The following CCDC146 variants were observed in gnomAD, a reference collection of about 807,000 sequenced individuals.
CCDC146 encodes coiled-coil domain-containing protein 146.
A neutral mutation model predicts 119.3 loss-of-function variants in CCDC146; 92 were observed. The observed-to-expected ratio is 0.77, with a 90% CI of 0.65 to 0.92. The LOEUF (loss-of-function observed/expected upper bound fraction) is 0.92. CCDC146 is among the 40% of genes least tolerant of loss of function. CCDC146 has a pLI of 0.00. For synonymous variants in CCDC146, 372 were observed against 371.8 expected, an observed-to-expected ratio of 1.00 and a Z score of -0.01; for missense variants, 1,000 against 1,103.0, an observed-to-expected ratio of 0.91 and a Z score of 1.32.
chr7:77,235,682 G>A (rs1233703572), intron 2 of CCDC146, among the ~76,000 whole-genome samples: 5 of 152,160 alleles, frequency 3.3e-5, no homozygotes. Flanking sequence ...CTGGCAGAAG[G>A]GCAGTTAGGA....
At chr7:77,141,638 G>A (rs527324085) in intron 1 of CCDC146, among the ~76,000 whole-genome samples, 3 of 152,248 alleles carry the variant, frequency 2.0e-5, no homozygotes, top group East Asian at 3.9e-4. Flanking sequence ...GCATCTCGTT[G>A]TGGTTTTGAT....
At chr7:77,244,024 C>G (rs1295029595) in intron 4 of CCDC146, among the ~76,000 whole-genome samples, 1 of 152,096 alleles carries the variant, frequency 6.6e-6, no homozygotes, top group Non-Finnish European at 1.5e-5. Context: ...ATTACAGATG[C>G]CCACCACCAT....
rs1165695887 is a variant in CCDC146 at position 77,241,992 on chromosome 7, G to A, written c.449+92G>A. The A allele has an allele frequency of 1.5e-5, 14 of 926,766 alleles. No homozygotes were observed. The East Asian group carries it at 2.0e-4, about 13-fold the overall frequency. 57.4% of individuals were successfully genotyped at this position (926,766 alleles called of 1,614,324 possible). ...AAGTTGGAGGTAATTGAAGGAGTAG[G>A]AGATAGCAGTACGATGATGATTGCA... On this transcript the variant is annotated intron_variant, in intron 4 of 18. Transcript: ENST00000285871.
chr7:77,174,207 T>C (rs1479266910), intron 2 of CCDC146, among the ~76,000 whole-genome samples: 1 of 152,348 alleles, frequency 6.6e-6, no homozygotes, highest in African/African-American at 2.4e-5. Context: ...TGCTCACTTT[T>C]ATAGTTGTGA....
At chr7:77,123,710 C>A (rs1790657488) in intron 1 of CCDC146, among the ~76,000 whole-genome samples, 1 of 152,128 alleles carries the variant, frequency 6.6e-6, no homozygotes, top group Non-Finnish European at 1.5e-5. Context: ...GATAGATAGA[C>A]TGGGCTAAAG....
chr7:77,247,327 T>C (rs1015094376), intron 4 of CCDC146, among the ~76,000 whole-genome samples: 23 of 133,696 alleles, frequency 1.7e-4, no homozygotes, highest in African/African-American at 5.5e-4. Context: ...TGAAAGAGCT[T>C]GCTGTCACCA....
At chr7:77,252,447 A>G (rs918635795) in intron 4 of CCDC146, among the ~76,000 whole-genome samples, 1 of 152,246 alleles carries the variant, frequency 6.6e-6, no homozygotes, top group Non-Finnish European at 1.5e-5. Context: ...GGCTTCAAGA[A>G]TGACGCTCAT....
At chr7:77,287,744 C>T (rs62475052) in intron 17 of CCDC146, among the ~76,000 whole-genome samples, 167 bp downstream of exon 17, 6,221 of 152,288 alleles carry the variant, frequency 0.041, 173 homozygotes, top group Middle Eastern at 0.071. Flanking sequence ...CAAAATGTTT[C>T]AATCTTATTC....
At position 77,196,165 on chromosome 7, in the gene CCDC146, C is replaced by T. The variant is rs182762397; in HGVS notation, c.156+28341C>T. 3.2e-4 allele frequency: 236 copies of T among 736,566 alleles called. 1 individual carries two copies. The African/African-American group carries it at 3.7e-3, about 12-fold the overall frequency. The allele number at this position is 736,566 out of a possible 1,614,324, so 45.6% of individuals were successfully genotyped here. On this transcript the variant is annotated intron_variant, in intron 2 of 18. Coordinates refer to ENST00000285871, the MANE Select transcript of CCDC146 (RefSeq NM_020879.3). This position sits in a 1 kb window ranked among gnomAD's most constrained non-coding sequence, Gnocchi z 4.2. The stretch of plus-strand genomic sequence containing the variant: ...ATGCTGTGTAGCATAAGAACCTAGC[C>T]GTCAGACATCATTTTTTAGCTATGA...
intron 9 of CCDC146, among the ~76,000 whole-genome samples, chr7:77,264,367 C>T (rs1028772419): frequency 7.9e-5 from 12 of 152,158 alleles, no homozygotes; most frequent in South Asian, 4.1e-4. Context: ...AAGCAATTCT[C>T]GTACTTCAGC....
At chr7:77,249,424 G>A (rs574954268) in intron 4 of CCDC146, among the ~76,000 whole-genome samples, 34 of 149,102 alleles carry the variant, frequency 2.3e-4, no homozygotes, top group Middle Eastern at 3.4e-3. Context: ...GGAGGCGGAG[G>A]TTGCAGTGAG....
intron 1 of CCDC146, among the ~76,000 whole-genome samples, chr7:77,141,761 G>T (rs1427084514): frequency 2.6e-5 from 4 of 151,932 alleles, no homozygotes; most frequent in Admixed American, 2.0e-4. Context: ...TTTTTGATGG[G>T]GTTGTTTTTT....
At chr7:77,263,117 T>C (rs1334839049) in intron 9 of CCDC146, among the ~76,000 whole-genome samples, 1 of 152,208 alleles carries the variant, frequency 6.6e-6, no homozygotes, top group Non-Finnish European at 1.5e-5. Context: ...AGTTTCCAGC[T>C]GTGGTAGACA....
At chr7:77,204,202 T>C (rs1476662071) in intron 2 of CCDC146, among the ~76,000 whole-genome samples, 1 of 152,228 alleles carries the variant, frequency 6.6e-6, no homozygotes, top group Non-Finnish European at 1.5e-5. Context: ...ATATGTGCTT[T>C]TCTGATAAGA....
At chr7:77,169,601 A>C (rs1249864407) in intron 2 of CCDC146, among the ~76,000 whole-genome samples, 1 of 152,090 alleles carries the variant, frequency 6.6e-6, no homozygotes, top group Non-Finnish European at 1.5e-5. Context: ...TTATTTATTC[A>C]TCTTTTTATC....
At chr7:77,210,697 A>G (rs1000386085) in intron 2 of CCDC146, among the ~76,000 whole-genome samples, 1 of 152,212 alleles carries the variant, frequency 6.6e-6, no homozygotes, top group Non-Finnish European at 1.5e-5. Flanking sequence ...TGGGTAATTT[A>G]TAAAGAAAAG....
intron 11 of CCDC146, among the ~76,000 whole-genome samples, chr7:77,277,156 G>A (rs1002741132): frequency 6.6e-6 from 1 of 152,186 alleles, no homozygotes; most frequent in African/African-American, 2.4e-5. Context: ...TCTTCACCAA[G>A]TCAGGGTCTG....
chr7:77,158,401 ATATACTT>A (rs1249719162), intron 1 of CCDC146, among the ~76,000 whole-genome samples: 2 of 152,044 alleles, frequency 1.3e-5, no homozygotes, highest in Non-Finnish European at 2.9e-5. Context: ...TAGCCTGAGA[ATATACTT>A]TATTCTATTA....
At chr7:77,240,719 G>A (rs139677592) in intron 3 of CCDC146, among the ~76,000 whole-genome samples, 162 of 152,196 alleles carry the variant, frequency 1.1e-3, no homozygotes, top group African/African-American at 3.2e-3. Context: ...CGAAGTTCCC[G>A]TCTATCCTTC....
Sources: allele counts gnomAD v4.1 joint callset (sites outside exome capture counted in the v4.1 genomes callset), GRCh38; gene constraint gnomAD v4.1.1; non-coding constraint Gnocchi (gnomAD v3.1); transcripts MANE v1.5; gene names NCBI Gene and HGNC (gene_info 2026-07-23, HGNC 2026-07-21).